The following PTGR2 variants were observed in gnomAD, a reference collection of about 807,000 sequenced individuals.
PTGR2 encodes the protein prostaglandin reductase 2, also known as 15-oxoprostaglandin 13-reductase.
Under a neutral mutation model 43.4 loss-of-function variants are expected in PTGR2, and 32 were observed. The observed-to-expected ratio is 0.74, with a 90% CI of 0.56 to 0.99. The LOEUF is 0.99. PTGR2 is among the 50% of genes least tolerant of loss of function. PTGR2 has a pLI of 0.00. For synonymous variants in PTGR2, 106 were observed against 139.2 expected (o/e 0.76, Z 1.68); for missense variants, 373 against 420.0 (o/e 0.89, Z 0.98).
chr14:73,859,941 C>T (rs921449426), intron 2 of PTGR2, among the ~76,000 whole-genome samples: 11 of 151,662 alleles, frequency 7.3e-5, no homozygotes, highest in East Asian at 1.9e-4. Context: ...TTCCACCTCC[C>T]GGGTTCAAGC....
At chr14:73,857,809 C>T (rs1200956811) in intron 1 of PTGR2, among the ~76,000 whole-genome samples, 9 of 151,122 alleles carry the variant, frequency 6.0e-5, no homozygotes, top group African/African-American at 2.2e-4. Context: ...GCTGGGACTA[C>T]AGGCTCCCGC....
In PTGR2 at chr14:73,881,123, A is replaced by G. The variant is rs528068794; in HGVS notation, c.852-82A>G. ...CCTAATATTTTAAGGATTAACAGAT[A>G]TTAGAATTCTGGAATGGTTTGATCT... On this transcript the variant is annotated intron_variant, in intron 7 of 9. Transcript: ENST00000555661. 25 of 819,636 alleles carry G rather than the reference A, an allele frequency of 3.1e-5. No individual in the cohort carries two copies. In the South Asian group the frequency reaches 3.3e-4, roughly 11 times the overall value. 50.8% of individuals were successfully genotyped at this position (819,636 alleles called of 1,614,324 possible). A position where few individuals can be genotyped will look rare whatever the true frequency, so the allele number is the denominator to read the frequency against.
chr14:73,865,508 T>G (rs1207927794), intron 3 of PTGR2, among the ~76,000 whole-genome samples: 1 of 152,122 alleles, frequency 6.6e-6, no homozygotes, highest in African/African-American at 2.4e-5. Flanking sequence ...CAAGGACATA[T>G]CCAGAAACAA....
At chr14:73,854,317 G>A (rs1357776397) in intron 1 of PTGR2, among the ~76,000 whole-genome samples, 4 of 151,942 alleles carry the variant, frequency 2.6e-5, no homozygotes, top group Non-Finnish European at 2.9e-5. Context: ...GGCCAGGCTG[G>A]TCTCAAACTC....
intron 3 of PTGR2, among the ~76,000 whole-genome samples, chr14:73,862,601 C>T (rs1271319697): frequency 6.6e-6 from 1 of 152,064 alleles, no homozygotes; most frequent in African/African-American, 2.4e-5. Context: ...GATCTGCTGT[C>T]TAGGTAACAG....
At position 73,882,800 on chromosome 14, in the gene PTGR2, C is replaced by CTT. The variant is rs35651032; in HGVS notation, c.979+399_979+400dup. Among the ~76,000 whole-genome samples the CTT allele has an allele frequency of 4.9e-3, 204 of 41,866 alleles. 53 individuals carry two copies. The highest frequency in any genetic ancestry group is 7.2e-3 in the Non-Finnish European group (157 of 21,898). The allele number at this position is 41,866 out of a possible 152,430, so 27.5% of individuals were successfully genotyped here. ...CAAGCGTGAGCCACCACGCCTGGCC[C>CTT]TTTTTTTTTTTTTTTTTTTTTTTTT... On this transcript the variant is annotated intron_variant, in intron 9 of 9. Transcript: ENST00000555661.
chr14:73,877,787 A>T (rs1226736801), intron 5 of PTGR2: 1 of 152,220 alleles, frequency 6.6e-6, no homozygotes, highest in East Asian at 1.9e-4. Context: ...ATTAAAAGTC[A>T]AACTCACATT....
chr14:73,858,851 C>T lies in PTGR2; in HGVS notation c.-12C>T. Reference sequence around the variant, plus strand: ...TACAGAAATCTTGTGAAACCACTGCCCAACCAGAGCAATGATTGTTCAAAG... The same window carrying T: ...TACAGAAATCTTGTGAAACCACTGCTCAACCAGAGCAATGATTGTTCAAAG... On this transcript the variant is annotated 5_prime_UTR_variant, in exon 2 of 10. Coordinates refer to ENST00000555661, the MANE Select transcript of PTGR2 (RefSeq NM_001146154.2). 6.2e-7 allele frequency: 1 copy of T among 1,608,166 alleles called. No individual in the cohort carries two copies. The highest frequency in any genetic ancestry group is 8.5e-7 in the Non-Finnish European group (1 of 1,176,330).
chr14:73,860,789 A>C, intron 3 of PTGR2, 132 bp downstream of exon 3: 1 of 545,228 alleles, frequency 1.8e-6, no homozygotes, highest in Middle Eastern at 4.5e-4. Context: ...GATACCTTTT[A>C]ATTATAGATT....
chr14:73,879,542 A>G, intron 6 of PTGR2: 1 of 447,948 alleles, frequency 2.2e-6, no homozygotes, highest in East Asian at 4.1e-5. Context: ...TATATTTTTC[A>G]CTTTTGGTTT....
intron 6 of PTGR2, chr14:73,879,762 GATT>G (rs1353894019): frequency 2.8e-6 from 1 of 357,872 alleles, no homozygotes; most frequent in African/African-American, 2.1e-5. Context: ...TTGCAGTTGA[GATT>G]ATTAAATTGT....
At chr14:73,859,793 AAAAG>A (rs919532613) in intron 2 of PTGR2, among the ~76,000 whole-genome samples, 4 of 151,738 alleles carry the variant, frequency 2.6e-5, no homozygotes, top group African/African-American at 9.7e-5. Flanking sequence ...CTAAAAAAAA[AAAAG>A]AAATACATAC....
At chr14:73,870,886 CTTGTGTGATA>C (rs2054711497) in intron 3 of PTGR2, among the ~76,000 whole-genome samples, 1 of 152,166 alleles carries the variant, frequency 6.6e-6, no homozygotes, top group South Asian at 2.1e-4. Flanking sequence ...TAGGGAATTA[CTTGTGTGATA>C]TTGTGATTTA....
intron 1 of PTGR2, among the ~76,000 whole-genome samples, chr14:73,856,212 G>A (rs1179414273): frequency 2.6e-5 from 4 of 151,990 alleles, no homozygotes; most frequent in Non-Finnish European, 5.9e-5. Flanking sequence ...TTCATGGTAA[G>A]TTACCCTATA....
In PTGR2 at chr14:73,860,665, T is replaced by TC; in HGVS notation, c.156+9dup. Reference sequence around the variant, plus strand: ...TCTGTGGATCCTTACATGGTAAGAATCAGGATGTTGTAACTTGGTGAAAAA... The same window carrying TC: ...TCTGTGGATCCTTACATGGTAAGAATCCAGGATGTTGTAACTTGGTGAAAAA... On this transcript the variant is annotated intron_variant, in intron 3 of 9. Coordinates refer to ENST00000555661, the MANE Select transcript of PTGR2 (RefSeq NM_001146154.2). 8.2e-7 allele frequency: 1 copy of TC among 1,220,996 alleles called. No homozygotes were observed. The highest frequency in any genetic ancestry group is 1.2e-6 in the Non-Finnish European group (1 of 843,216). The allele number at this position is 1,220,996 out of a possible 1,614,324, so 75.6% of individuals were successfully genotyped here. A position where few individuals can be genotyped will look rare whatever the true frequency, so the allele number is the denominator to read the frequency against.
chr14:73,873,889 T>C, intron 3 of PTGR2, 134 bp from the exon 4 acceptor site: 1 of 597,300 alleles, frequency 1.7e-6, no homozygotes, highest in Non-Finnish European at 2.8e-6. Context: ...TGTTTAAGTC[T>C]TGAATGTATT....
rs746150118 is a variant in PTGR2 at position 73,877,010 on chromosome 14, C to G, written c.361C>G (p.Leu121Val). Residue 121 changes from leucine (L) to valine (V), a missense_variant, in exon 5 of 10, where the codon CTT (leucine) becomes GTT (valine). Leu to Val is a conservative substitution (Grantham distance 32, BLOSUM62 1). Transcript: ENST00000555661. ...GNSLEKVDPQ[L>V]VDGHLSYFLG... ...TATTTTATTTTAGGTAGACCCACAA[C>G]TTGTGGATGGACACCTTTCATATTT... is the stretch of plus-strand genomic sequence containing the variant. 25 of 1,611,930 alleles carry G rather than the reference C, an allele frequency of 1.6e-5. No individual in the cohort carries two copies. The East Asian group carries it at 5.1e-4, about 33-fold the overall frequency.
rs2055082666 is a variant in PTGR2, at chr14:73,884,597, GTT to G, written c.*423_*424del. ...AGTAAAGATTTGTTGAACTGGAAAT[GTT>G]TTACATGATTCTTAAACTGAAACTT... On this transcript the variant is annotated 3_prime_UTR_variant, in exon 10 of 10. Transcript: ENST00000555661. The G allele has an allele frequency of 6.5e-6, 1 of 152,994 alleles. No individual in the cohort carries two copies. Among genetic ancestry groups the G allele is most frequent in the African/African-American group, 2.4e-5 (1 of 41,538 alleles). The allele number at this position is 152,994 out of a possible 1,614,324, so 9.5% of individuals were successfully genotyped here. A position where few individuals can be genotyped will look rare whatever the true frequency, so the allele number is the denominator to read the frequency against.
At chr14:73,880,327 CT>C in intron 7 of PTGR2, 151 bp downstream of exon 7, 1 of 862,518 alleles carries the variant, frequency 1.2e-6, no homozygotes, top group South Asian at 1.4e-5. Context: ...AATCCTAGCA[CT>C]TTGGGATGCC....
Sources: gnomAD v4.1 joint callset for allele counts (sites outside exome capture counted in the v4.1 genomes callset) on GRCh38, gnomAD v4.1.1 for gene constraint, MANE v1.5 for transcripts, NCBI Gene and HGNC (gene_info 2026-07-23, HGNC 2026-07-21) for gene names.